Variants in PRKCD observed in about 807,000 individuals in gnomAD.
PRKCD encodes protein kinase C delta.
PRKCD carries 20 observed loss-of-function variants against 82.2 expected under a neutral mutation model. The ratio of observed to expected loss-of-function variants is 0.24; its 90% confidence interval spans 0.17 to 0.35. PRKCD has a LOEUF of 0.35. Ranked by LOEUF, PRKCD falls within the 10% of genes least tolerant of loss-of-function variation. The pLI is 1.00. For missense variants in PRKCD, 607 were observed against 899.0 expected (o/e 0.68, Z 4.15); for synonymous variants, 317 against 337.0 (o/e 0.94, Z 0.65).
intron 9 of PRKCD, 151 bp from the exon 10 acceptor site, chr3:53,184,723 G>T: frequency 5.6e-4 from 261 of 467,726 alleles, no homozygotes; most frequent in Non-Finnish European, 7.5e-4. Context: ...AAGTATTTAT[G>T]ATGGCTTCAG....
chr3:53,182,978 G>C (rs1398793165), intron 7 of PRKCD, 143 bp from the exon 8 acceptor site: 3 of 770,634 alleles, frequency 3.9e-6, no homozygotes, highest in Non-Finnish European at 6.6e-6. Context: ...CTCAAGCGCT[G>C]GGCCTCTGCG....
chr3:53,180,180 T>G (rs1020087852), intron 4 of PRKCD, among the ~76,000 whole-genome samples: 8 of 152,140 alleles, frequency 5.3e-5, no homozygotes, highest in African/African-American at 1.9e-4. Flanking sequence ...AGGCAGGATA[T>G]GCACATAGTA....
Position 53,188,752 on chromosome 3 carries a change from G to A in PRKCD, c.1448G>A (p.Arg483Gln), listed in dbSNP as rs879255393. 32 of 1,614,046 alleles carry A rather than the reference G, an allele frequency of 2.0e-5. No homozygotes were observed. The highest frequency in any genetic ancestry group is 2.1e-5 in the Non-Finnish European group (25 of 1,180,024). ...AAACTGGACAATGTGCTGCTGGACCGGGATGGCCACATCAAGATTGCCGAC... is the reference window on the plus strand; with the variant it reads ...AAACTGGACAATGTGCTGCTGGACCAGGATGGCCACATCAAGATTGCCGAC... ...DLKLDNVLLD[R>Q]DGHIKIADFG... The change falls in exon 16 of 19, where the codon CGG becomes CAG. Residue 483 changes from arginine to glutamine, a missense_variant. Physicochemically the swap from Arg to Gln is conservative, Grantham distance 43 (BLOSUM62 1). Coordinates refer to ENST00000330452, the MANE Select transcript of PRKCD (RefSeq NM_006254.4).
chr3:53,171,266 G>T (rs1358765093), intron 2 of PRKCD, among the ~76,000 whole-genome samples: 1 of 152,158 alleles, frequency 6.6e-6, no homozygotes, highest in Non-Finnish European at 1.5e-5. Flanking sequence ...ATATCCTAGG[G>T]CTGGCTGGTG....
chr3:53,168,111 G>A (rs1553664201), intron 2 of PRKCD, among the ~76,000 whole-genome samples: 1 of 152,262 alleles, frequency 6.6e-6, no homozygotes, highest in Non-Finnish European at 1.5e-5. Context: ...ATTAGGCTGG[G>A]AGAATTGGCT....
chr3:53,178,823 C>A (rs576576321), intron 3 of PRKCD, among the ~76,000 whole-genome samples: 12 of 152,158 alleles, frequency 7.9e-5, no homozygotes, highest in African/African-American at 2.9e-4. Context: ...AGGGCCTGTG[C>A]GGGGCACTGA....
chr3:53,180,505 T>C (rs1440405920), intron 4 of PRKCD, among the ~76,000 whole-genome samples: 1 of 152,178 alleles, frequency 6.6e-6, no homozygotes, highest in African/African-American at 2.4e-5. Flanking sequence ...GGGTTACATG[T>C]GGGATGTAAC....
At chr3:53,183,733 C>G (rs1204458992) in intron 9 of PRKCD, 152 bp downstream of exon 9, 25 of 1,165,362 alleles carry the variant, frequency 2.1e-5, no homozygotes, top group Non-Finnish European at 2.8e-5. Context: ...GTGGACCCTC[C>G]CCACTGGCCT....
chr3:53,190,153 C>G (rs782236533), intron 18 of PRKCD, 152 bp downstream of exon 18: 21 of 1,136,514 alleles, frequency 1.8e-5, no homozygotes, highest in Non-Finnish European at 2.7e-5. Flanking sequence ...GTATTCTCAT[C>G]CTCTCCCTCC....
intron 18 of PRKCD, 56 bp downstream of exon 18, chr3:53,190,057 C>A: frequency 6.2e-7 from 1 of 1,605,424 alleles, no homozygotes; most frequent in Non-Finnish European, 8.5e-7. Flanking sequence ...TCCTGCCCTC[C>A]CTCTCTCCTG....
At chr3:53,167,293 G>T (rs1702865829) in intron 2 of PRKCD, among the ~76,000 whole-genome samples, 1 of 152,198 alleles carries the variant, frequency 6.6e-6, no homozygotes, top group South Asian at 2.1e-4. Flanking sequence ...GCTTTTCACT[G>T]CCAGGGCTGC....
At chr3:53,166,007 A>G (rs1176086650) in intron 2 of PRKCD, among the ~76,000 whole-genome samples, 2 of 152,156 alleles carry the variant, frequency 1.3e-5, no homozygotes, top group Non-Finnish European at 2.9e-5. Flanking sequence ...GGTGCTAATG[A>G]AGCTGGAGCC....
chr3:53,187,059 ATGTG>A (rs145524309), intron 14 of PRKCD, among the ~76,000 whole-genome samples: 4 of 151,044 alleles, frequency 2.6e-5, no homozygotes, highest in East Asian at 1.9e-4. Flanking sequence ...CTAACCGTGT[ATGTG>A]TGTGTGTGTG....
In PRKCD at chr3:53,179,732, C is replaced by A; in HGVS notation, c.271C>A (p.Leu91Met). Residue 91 changes from leucine (L) to methionine (M), a missense_variant, in exon 4 of 19, where the codon CTG (leucine) becomes ATG (methionine). By Grantham distance (15) the Leu-to-Met change is conservative. This residue lies in a region of PRKCD where 161 missense variants were observed against 227.0 expected (regional missense o/e 0.71). Transcript: ENST00000330452. ...VSEVTVGVSV[L>M]AERCKKNNGK... is the part of the protein sequence containing the mutation. ...TGAGGTGACCGTGGGTGTGTCGGTG[C>A]TGGCCGAGCGCTGCAAGAAGAACAA... The A allele has an allele frequency of 1.9e-6, 3 of 1,593,632 alleles. No individual in the cohort carries two copies. The highest frequency in any genetic ancestry group is 2.6e-6 in the Non-Finnish European group (3 of 1,168,362).
At chr3:53,175,461 T>A (rs1420137351) in intron 2 of PRKCD, among the ~76,000 whole-genome samples, 1 of 152,068 alleles carries the variant, frequency 6.6e-6, no homozygotes, top group Non-Finnish European at 1.5e-5. Context: ...GCCAAGAGAC[T>A]ATTGCTCATC....
intron 2 of PRKCD, among the ~76,000 whole-genome samples, chr3:53,173,829 G>A (rs1553665397): frequency 1.3e-5 from 2 of 152,084 alleles, no homozygotes; most frequent in East Asian, 3.9e-4. Context: ...GAGGTCACGG[G>A]GGAAGACCAC....
In PRKCD at chr3:53,183,182, C is replaced by T. The variant is rs372745352; in HGVS notation, c.633C>T (p.Thr211=). ...AGATCATCGGCAGATGCACTGGCAC[C>T]GCGGCCAACAGCCGGGACACTATAG... The part of the protein sequence containing the change: ...IDKIIGRCTG[T]AANSRDTIFQ... The change falls in exon 8 of 19, where the codon ACC becomes ACT. Residue 211 remains threonine (T), a synonymous_variant. Transcript: ENST00000330452. 94 of 1,614,058 alleles carry T rather than the reference C, an allele frequency of 5.8e-5. No individual in the cohort carries two copies. Among genetic ancestry groups the T allele is most frequent in the Non-Finnish European group, 6.9e-5 (82 of 1,180,012 alleles).
chr3:53,182,360 C>T (rs544911418), intron 7 of PRKCD, among the ~76,000 whole-genome samples: 5 of 152,110 alleles, frequency 3.3e-5, no homozygotes, highest in South Asian at 2.1e-4. Flanking sequence ...CCTCCCTCTC[C>T]AAGGTTCAAG....
At chr3:53,189,796 G>A (rs1366620133) in intron 17 of PRKCD, 77 bp from the exon 18 acceptor site, 1 of 1,595,232 alleles carries the variant, frequency 6.3e-7, no homozygotes, top group East Asian at 2.2e-5. Context: ...TTGCATCCCT[G>A]GGCCTGCTGG....
Sources: gnomAD v4.1 joint callset for allele counts (sites outside exome capture counted in the v4.1 genomes callset) on GRCh38, gnomAD v4.1.1 for gene constraint, gnomAD v4.1.1 regional missense constraint, MANE v1.5 for transcripts, NCBI Gene and HGNC (gene_info 2026-07-23, HGNC 2026-07-21) for gene names.